FRS2: variants seen among roughly 807,000 people sequenced by gnomAD.
FRS2 encodes FGFR signalling adaptor.
A neutral mutation model predicts 43.9 loss-of-function variants in FRS2; 8 were observed. The ratio of observed to expected loss-of-function variants is 0.18; its 90% CI spans 0.11 to 0.33. FRS2 has a LOEUF of 0.33. Among genes scored for constraint, FRS2 ranks in the 10% least tolerant of loss-of-function variants. The pLI is 1.00. For synonymous variants in FRS2, 219 were observed against 220.3 expected, an observed-to-expected ratio of 0.99 and a Z score of 0.05; for missense variants, 534 against 627.6, an observed-to-expected ratio of 0.85 and a Z score of 1.59.
At chr12:69,507,801 G>A (rs1416186179) in intron 1 of FRS2, among the ~76,000 whole-genome samples, 2 of 152,036 alleles carry the variant, frequency 1.3e-5, no homozygotes, top group African/African-American at 4.8e-5. Flanking sequence ...CAGGCGGGCG[G>A]ATCACCTTAG....
intron 3 of FRS2, among the ~76,000 whole-genome samples, chr12:69,561,835 A>G (rs1434968860): frequency 1.3e-5 from 2 of 152,160 alleles, no homozygotes; most frequent in African/African-American, 4.8e-5. Context: ...TAGAGGTGGA[A>G]TGGAACCTTA....
At chr12:69,573,652 G>A (rs1049151715) in intron 8 of FRS2, among the ~76,000 whole-genome samples, 2 of 151,916 alleles carry the variant, frequency 1.3e-5, no homozygotes, top group Non-Finnish European at 2.9e-5. Flanking sequence ...TAGTAGGGAC[G>A]GGGTTTCACC....
intron 1 of FRS2, among the ~76,000 whole-genome samples, chr12:69,508,229 G>A (rs1223740591): frequency 6.6e-6 from 1 of 152,068 alleles, no homozygotes; most frequent in Non-Finnish European, 1.5e-5. Context: ...ACAAATGCTA[G>A]TCATTGAAAA....
At position 69,554,997 on chromosome 12, in the gene FRS2, C is replaced by T. The variant is rs183133510; in HGVS notation, c.-121-7183C>T. On this transcript the variant is annotated intron_variant, in intron 3 of 8. Transcript: ENST00000549921. ...GTGCTGGGATTGTAGGTGTGAACCA[C>T]GTGCTCAGCCCAGCTTTATTTTTTT... Among the ~76,000 whole-genome samples the T allele has an allele frequency of 2.6e-5, 4 of 151,876 alleles. No homozygotes were observed. In the East Asian group the frequency reaches 7.7e-4, roughly 29 times the overall value.
At chr12:69,552,990 TAAAC>T (rs1178303385) in intron 3 of FRS2, among the ~76,000 whole-genome samples, 2 of 152,190 alleles carry the variant, frequency 1.3e-5, no homozygotes, top group African/African-American at 4.8e-5. Context: ...GAGTGACCCA[TAAAC>T]AAATAATTAA....
intron 3 of FRS2, among the ~76,000 whole-genome samples, chr12:69,542,418 C>T (rs575348949): frequency 6.6e-6 from 1 of 151,916 alleles, no homozygotes; most frequent in Non-Finnish European, 1.5e-5. Flanking sequence ...TACAGCATAA[C>T]AACTATTTAG....
chr12:69,511,696 G>T (rs1467607351), intron 1 of FRS2, among the ~76,000 whole-genome samples: 2 of 152,018 alleles, frequency 1.3e-5, no homozygotes, highest in Non-Finnish European at 2.9e-5. Context: ...CCGTGTTAGG[G>T]CCCCCATTTC....
At chr12:69,507,253 G>A (rs1394124490) in intron 1 of FRS2, among the ~76,000 whole-genome samples, 1 of 152,132 alleles carries the variant, frequency 6.6e-6, no homozygotes, top group Non-Finnish European at 1.5e-5. Context: ...GGAGGAGTAT[G>A]CCTTTCTTTC....
intron 1 of FRS2, among the ~76,000 whole-genome samples, chr12:69,508,245 A>G (rs978102532): frequency 2.6e-5 from 4 of 152,176 alleles, no homozygotes; most frequent in Admixed American, 6.5e-5. Context: ...GAAAATGTCA[A>G]AATTTGGATT....
intron 3 of FRS2, among the ~76,000 whole-genome samples, chr12:69,555,313 TGGATTACA>T (rs1879243814): frequency 1.3e-5 from 2 of 152,144 alleles, no homozygotes; most frequent in Non-Finnish European, 2.9e-5. Flanking sequence ...CCCAAAGTGC[TGGATTACA>T]GGCATGAGCC....
rs1880579664 is a variant in FRS2 at position 69,569,597 on chromosome 12, A to G, written c.66+501A>G. On this transcript the variant is annotated intron_variant, in intron 5 of 8. Transcript: ENST00000549921. ...TGATAATTTGACCTCGATCTGTTAC[A>G]AAGAATAGCCTTGATCACACAAACC... Among the ~76,000 whole-genome samples the G allele has an allele frequency of 2.0e-5, 3 of 152,350 alleles. 1 individual carries two copies. Among genetic ancestry groups the G allele is most frequent in the Admixed American group, 2.0e-4 (3 of 15,308 alleles).
chr12:69,539,633 T>G (rs1429337948), intron 3 of FRS2, among the ~76,000 whole-genome samples: 1 of 152,110 alleles, frequency 6.6e-6, no homozygotes, highest in Non-Finnish European at 1.5e-5. Context: ...ATCTGTACCC[T>G]TCTCCTTTAA....
intron 1 of FRS2, among the ~76,000 whole-genome samples, chr12:69,499,391 A>G (rs1873222729): frequency 2.0e-5 from 3 of 152,226 alleles, no homozygotes; most frequent in African/African-American, 7.2e-5. Flanking sequence ...ATAAAAATAT[A>G]GAAAACATAC....
chr12:69,493,053 G>A (rs1872603076), intron 1 of FRS2, among the ~76,000 whole-genome samples: 1 of 152,186 alleles, frequency 6.6e-6, no homozygotes, highest in South Asian at 2.1e-4. Context: ...AAGATACCAA[G>A]CAAAACAGAG....
chr12:69,499,954 A>G (rs1289741758), intron 1 of FRS2, among the ~76,000 whole-genome samples: 1 of 152,226 alleles, frequency 6.6e-6, no homozygotes, highest in African/African-American at 2.4e-5. Context: ...AATTCTGGTC[A>G]GAGTAGTGTT....
Position 69,571,374 on chromosome 12 carries a change from G to T in FRS2, c.352G>T (p.Val118Leu), listed in dbSNP as rs1213154732. The T allele has an allele frequency of 1.2e-6, 2 of 1,612,408 alleles. No homozygotes were observed. Among genetic ancestry groups the T allele is most frequent in the East Asian group, 2.2e-5 (1 of 44,852 alleles). ...NSINVVEEPV[V>L]ERNNHQTELE... ...TATAAATGTGGTGGAAGAGCCAGTT[G>T]TAGAAAGAAATAATCATCAGACAGA... The change falls in exon 7 of 9, where the codon GTA becomes TTA. Residue 118 changes from valine to leucine, a missense_variant. Physicochemically the swap from Val to Leu is conservative, Grantham distance 32. Transcript: ENST00000549921.
chr12:69,546,263 A>G (rs1280812145), intron 3 of FRS2, among the ~76,000 whole-genome samples: 1 of 151,892 alleles, frequency 6.6e-6, no homozygotes, highest in African/African-American at 2.4e-5. Flanking sequence ...TAGGATGGCT[A>G]CTTTTTTTTT....
intron 1 of FRS2, among the ~76,000 whole-genome samples, chr12:69,472,543 C>G (rs933066532): frequency 1.3e-5 from 2 of 152,104 alleles, no homozygotes. Flanking sequence ...GCAGGTATGA[C>G]AATGTATTTT....
chr12:69,567,162 A>ATCTC (rs76323613), intron 4 of FRS2, among the ~76,000 whole-genome samples: 1 of 151,260 alleles, frequency 6.6e-6, no homozygotes, highest in African/African-American at 2.4e-5. Context: ...ATCTATTTAC[A>ATCTC]TCTCTCTCTC....
Sources: gnomAD v4.1 joint callset for allele counts (sites outside exome capture counted in the v4.1 genomes callset) on GRCh38, gnomAD v4.1.1 for gene constraint, MANE v1.5 for transcripts, NCBI Gene and HGNC (gene_info 2026-07-23, HGNC 2026-07-21) for gene names.